KATNAL2: variants seen among roughly 807,000 people sequenced by gnomAD.
The protein encoded by KATNAL2 is katanin p60 ATPase-containing subunit A-like 2.
A neutral mutation model predicts 76.3 loss-of-function variants in KATNAL2; 52 were observed. That is an observed-to-expected ratio of 0.68 (90% CI 0.55 to 0.86). The LOEUF (loss-of-function observed/expected upper bound fraction) is 0.86, where lower values mean the gene tolerates loss of function less well. Among genes scored for constraint, KATNAL2 ranks in the 40% least tolerant of loss-of-function variants. The pLI is 0.00. For synonymous variants in KATNAL2, 243 were observed against 244.2 expected, an observed-to-expected ratio of 1.00 and a Z score of 0.05; for missense variants, 660 against 668.9, an observed-to-expected ratio of 0.99 and a Z score of 0.15.
intron 3 of KATNAL2, among the ~76,000 whole-genome samples, chr18:46,958,011 A>G (rs2059817150): frequency 6.6e-6 from 1 of 152,120 alleles, no homozygotes; most frequent in Non-Finnish European, 1.5e-5. Context: ...GCCCTCTTTA[A>G]TGTGGATTGG....
intron 3 of KATNAL2, among the ~76,000 whole-genome samples, chr18:46,951,412 T>TG (rs2059549906): frequency 8.1e-6 from 1 of 123,878 alleles, no homozygotes; most frequent in Non-Finnish European, 1.8e-5. Flanking sequence ...AAGTCTGATT[T>TG]TTTTTTTTTT....
intron 3 of KATNAL2, among the ~76,000 whole-genome samples, chr18:46,956,984 G>A (rs948611792): frequency 4.0e-5 from 6 of 151,114 alleles, no homozygotes; most frequent in Non-Finnish European, 7.4e-5. Flanking sequence ...TGGAGTTTGC[G>A]GTGAGCCAAG....
intron 1 of KATNAL2, among the ~76,000 whole-genome samples, chr18:46,927,432 T>C (rs559254952): frequency 2.0e-5 from 3 of 152,316 alleles, no homozygotes; most frequent in African/African-American, 7.2e-5. Flanking sequence ...TTCTGGCTTG[T>C]AGAGTTTCTG....
At chr18:47,080,316 G>T (rs72903284) in intron 15 of KATNAL2, among the ~76,000 whole-genome samples, 4,002 of 152,088 alleles carry the variant, frequency 0.026, 60 homozygotes, top group Non-Finnish European at 0.041. Flanking sequence ...ATTTTATTGA[G>T]ATATAACTCA....
At chr18:46,955,140 C>CTCTTTCTG (rs1555834719) in intron 3 of KATNAL2, among the ~76,000 whole-genome samples, 1 of 85,020 alleles carries the variant, frequency 1.2e-5, no homozygotes, top group Non-Finnish European at 2.3e-5. Flanking sequence ...CTTTCTCTCT[C>CTCTTTCTG]TCTTTCTTTC....
At position 46,933,687 on chromosome 18, in the gene KATNAL2, T is replaced by C. The variant is rs549709088; in HGVS notation, c.-509-12370T>C. On this transcript the variant is annotated intron_variant, in intron 1 of 17. Coordinates refer to ENST00000683218, the MANE Select transcript of KATNAL2 (RefSeq NM_001387690.1). ...TAAGTTTTAGGGTACATGTGCACAA[T>C]GTGCAGGTTTGTTACATATGTATAC... Among the ~76,000 whole-genome samples the C allele has an allele frequency of 3.1e-3, 468 of 151,234 alleles. 2 individuals are homozygous for C. The highest frequency in any genetic ancestry group is 0.01 in the African/African-American group (430 of 41,126).
chr18:47,082,174 T>C (rs2062556737), intron 15 of KATNAL2, among the ~76,000 whole-genome samples: 1 of 152,200 alleles, frequency 6.6e-6, no homozygotes, highest in Non-Finnish European at 1.5e-5. Flanking sequence ...CTAACTAAGA[T>C]GAAAGAGCTA....
At chr18:46,924,373 A>G (rs1017844816) in intron 1 of KATNAL2, among the ~76,000 whole-genome samples, 7 of 152,168 alleles carry the variant, frequency 4.6e-5, no homozygotes, top group Non-Finnish European at 8.8e-5. Context: ...TTTGTCAAAG[A>G]TCAGATAGTT....
intron 3 of KATNAL2, among the ~76,000 whole-genome samples, chr18:46,954,570 C>T (rs1318279794): frequency 6.6e-6 from 1 of 151,988 alleles, no homozygotes; most frequent in Admixed American, 6.6e-5. Context: ...ACCTCGTGAT[C>T]TGCCCACCTT....
chr18:46,958,121 C>T lies in KATNAL2; in HGVS notation c.51+11198C>T, dbSNP rs151248100. Among the ~76,000 whole-genome samples, 48 of 152,068 alleles carry T rather than the reference C, an allele frequency of 3.2e-4. No homozygotes were observed. In the East Asian group the frequency reaches 8.9e-3, roughly 28 times the overall value. On this transcript the variant is annotated intron_variant, in intron 3 of 17. Coordinates refer to ENST00000683218, the MANE Select transcript of KATNAL2 (RefSeq NM_001387690.1). ...TCTGACTGTCTTTAAACTGGGACAGCGTTTTGTTTTTTTTTTCTGCATTTG... is the reference window on the plus strand; with the variant it reads ...TCTGACTGTCTTTAAACTGGGACAGTGTTTTGTTTTTTTTTTCTGCATTTG...
Position 47,101,140 on chromosome 18 carries a change from G to A in KATNAL2, c.*135G>A. 1 of 975,426 alleles carries A rather than the reference G, an allele frequency of 1.0e-6. No homozygotes were observed. The highest frequency in any genetic ancestry group is 2.6e-5 in the East Asian group (1 of 38,228). 60.4% of individuals were successfully genotyped at this position (975,426 alleles called of 1,614,324 possible). On this transcript the variant is annotated 3_prime_UTR_variant, in exon 18 of 18. Transcript: ENST00000683218. The stretch of plus-strand genomic sequence containing the variant: ...GAAGACTGGATTAACTTGAGCCACT[G>A]TATTGTTTTGGATAGCTGAGATATA...
At chr18:46,960,004 G>C (rs902760020) in intron 3 of KATNAL2, among the ~76,000 whole-genome samples, 1 of 152,220 alleles carries the variant, frequency 6.6e-6, no homozygotes, top group Non-Finnish European at 1.5e-5. Flanking sequence ...CAGGTCTCCT[G>C]TAAGAAACTG....
chr18:46,957,445 G>A (rs2059792556), intron 3 of KATNAL2, among the ~76,000 whole-genome samples: 1 of 151,346 alleles, frequency 6.6e-6, no homozygotes, highest in Admixed American at 6.6e-5. Context: ...TAGTAGAGAC[G>A]GTGTTTCACC....
intron 1 of KATNAL2, among the ~76,000 whole-genome samples, chr18:46,922,889 A>T (rs2058612587): frequency 6.8e-6 from 1 of 146,814 alleles, no homozygotes; most frequent in African/African-American, 2.5e-5. Context: ...AATATATAAT[A>T]TCATATTAAT....
At chr18:46,935,889 C>G (rs1162550196) in intron 1 of KATNAL2, among the ~76,000 whole-genome samples, 1 of 152,040 alleles carries the variant, frequency 6.6e-6, no homozygotes, top group Non-Finnish European at 1.5e-5. Flanking sequence ...GCCCTCCAGC[C>G]TGGGCAACAG....
At chr18:47,039,429 C>T (rs1186576800) in intron 3 of KATNAL2, among the ~76,000 whole-genome samples, 2 of 152,202 alleles carry the variant, frequency 1.3e-5, no homozygotes. Flanking sequence ...CCCCAGTCCT[C>T]TCCTCCCTGC....
chr18:46,943,923 G>C (rs1007748300), intron 1 of KATNAL2, among the ~76,000 whole-genome samples: 18 of 152,224 alleles, frequency 1.2e-4, no homozygotes, highest in Admixed American at 8.5e-4. Flanking sequence ...TCCACACAGA[G>C]ATCTAGCATG....
chr18:47,092,017 A>T (rs2063021805), intron 15 of KATNAL2, among the ~76,000 whole-genome samples: 1 of 152,152 alleles, frequency 6.6e-6, no homozygotes, highest in Non-Finnish European at 1.5e-5. Flanking sequence ...TGAAATTTAC[A>T]GGATCAATGA....
chr18:46,950,140 T>C (rs1016776126), intron 3 of KATNAL2, among the ~76,000 whole-genome samples: 1 of 152,260 alleles, frequency 6.6e-6, no homozygotes, highest in Non-Finnish European at 1.5e-5. Context: ...TAGTATTTAA[T>C]TGGATTAATT....
Sources: gnomAD v4.1 joint callset for allele counts (sites outside exome capture counted in the v4.1 genomes callset) on GRCh38, gnomAD v4.1.1 for gene constraint, MANE v1.5 for transcripts, NCBI Gene and HGNC (gene_info 2026-07-23, HGNC 2026-07-21) for gene names.